The following JPH1 variants were observed in gnomAD, a reference collection of about 807,000 sequenced individuals.
JPH1 encodes junctophilin-1.
A neutral mutation model predicts 53.6 loss-of-function variants in JPH1; 12 were observed. The ratio of observed to expected loss-of-function variants is 0.22; its 90% confidence interval spans 0.14 to 0.36. The LOEUF is 0.36. Ranked by LOEUF, JPH1 falls within the 10% of genes least tolerant of loss-of-function variation. The probability of loss-of-function intolerance (pLI) is 1.00; values close to 1 mark genes in which losing one functional copy is unlikely to be tolerated. For synonymous variants in JPH1, 375 were observed against 363.8 expected (o/e 1.03, Z -0.35); for missense variants, 808 against 905.5 (o/e 0.89, Z 1.38).
intron 2 of JPH1, among the ~76,000 whole-genome samples, chr8:74,270,165 T>C (rs560291215): frequency 2.0e-5 from 3 of 152,332 alleles, no homozygotes; most frequent in African/African-American, 7.2e-5. Context: ...CTAAAGACTG[T>C]AGGACAGATT....
intron 3 of JPH1, among the ~76,000 whole-genome samples, chr8:74,256,570 A>G (rs1005109779): frequency 6.6e-6 from 1 of 152,184 alleles, no homozygotes; most frequent in Non-Finnish European, 1.5e-5. Flanking sequence ...TTTACAAGAA[A>G]AAAACAACCC....
intron 1 of JPH1, among the ~76,000 whole-genome samples, chr8:74,319,371 G>A (rs919372271): frequency 6.6e-6 from 1 of 152,112 alleles, no homozygotes; most frequent in Non-Finnish European, 1.5e-5. Flanking sequence ...ATATAGTAGA[G>A]CTGGGGCCTC....
rs529504088 is a variant in JPH1, at chr8:74,281,476, C to G, written c.1140-21973G>C. ...ACCCAATTATTTCAGTTGGACAGAC[C>G]TAGCCTTAGTACCCAACACACATTT... On this transcript the variant is annotated intron_variant, in intron 2 of 5. Coordinates refer to ENST00000342232, the MANE Select transcript of JPH1 (RefSeq NM_020647.4). Among the ~76,000 whole-genome samples, 342 of 152,288 alleles carry G rather than the reference C, an allele frequency of 2.2e-3. 1 individual carries two copies. The highest frequency in any genetic ancestry group is 4.3e-3 in the Non-Finnish European group (291 of 68,024).
At chr8:74,250,483 A>G (rs1806014101) in intron 3 of JPH1, among the ~76,000 whole-genome samples, 2 of 152,338 alleles carry the variant, frequency 1.3e-5, no homozygotes, top group African/African-American at 4.8e-5. Flanking sequence ...TAGTCTCCCA[A>G]TCTTCCTTTC....
chr8:74,298,054 T>C (rs530000851), intron 2 of JPH1, among the ~76,000 whole-genome samples: 1 of 152,328 alleles, frequency 6.6e-6, no homozygotes, highest in African/African-American at 2.4e-5. Context: ...TCTACTCACT[T>C]TCCTAATAAT....
chr8:74,313,039 T>C (rs1403035913), intron 2 of JPH1, among the ~76,000 whole-genome samples: 1 of 152,218 alleles, frequency 6.6e-6, no homozygotes, highest in Admixed American at 6.5e-5. Context: ...AGATCATCTC[T>C]GCATTGCCAG....
intron 2 of JPH1, among the ~76,000 whole-genome samples, chr8:74,309,830 T>C (rs1482228482): frequency 6.6e-6 from 1 of 152,180 alleles, no homozygotes; most frequent in Non-Finnish European, 1.5e-5. Flanking sequence ...TGCCACTGAA[T>C]GTGGGGGGCT....
At chr8:74,256,790 A>G (rs73341690) in intron 3 of JPH1, among the ~76,000 whole-genome samples, 8,313 of 152,302 alleles carry the variant, frequency 0.055, 728 homozygotes, top group African/African-American at 0.18. Flanking sequence ...ACTAAACAAC[A>G]TAAGATTTAA....
intron 2 of JPH1, among the ~76,000 whole-genome samples, chr8:74,298,676 T>C (rs1807588224): frequency 6.6e-6 from 1 of 152,190 alleles, no homozygotes; most frequent in South Asian, 2.1e-4. Flanking sequence ...TGTAAGACTT[T>C]TCAAAAGAGG....
At chr8:74,271,854 G>C (rs894257653) in intron 2 of JPH1, among the ~76,000 whole-genome samples, 1 of 152,146 alleles carries the variant, frequency 6.6e-6, no homozygotes, top group African/African-American at 2.4e-5. Flanking sequence ...ATGTTGTTTG[G>C]AAGAATCACA....
At position 74,300,085 on chromosome 8, in the gene JPH1, C is replaced by T. The variant is rs145052266; in HGVS notation, c.1139+14776G>A. Among the ~76,000 whole-genome samples, 1,311 of 152,210 alleles carry T rather than the reference C, an allele frequency of 8.6e-3. 8 individuals carry two copies. The highest frequency in any genetic ancestry group is 0.013 in the Non-Finnish European group (913 of 68,008). The stretch of plus-strand genomic sequence containing the variant: ...TGGGCTGAAAGTTACTCTGATCTAG[C>T]GAAGAGTTAGAATAATTTTTCAAAA... On this transcript the variant is annotated intron_variant, in intron 2 of 5. Transcript: ENST00000342232.
At chr8:74,306,638 G>A (rs930981518) in intron 2 of JPH1, among the ~76,000 whole-genome samples, 7 of 150,520 alleles carry the variant, frequency 4.7e-5, no homozygotes, top group Admixed American at 1.3e-4. Context: ...TCGCTCTGTC[G>A]CTTAGGCTGG....
intron 4 of JPH1, among the ~76,000 whole-genome samples, chr8:74,243,171 ACATGCTGAAAGT>A (rs766943146): frequency 4.6e-5 from 7 of 152,228 alleles, no homozygotes; most frequent in Non-Finnish European, 1.0e-4. Flanking sequence ...CTGGGGATAA[ACATGCTGAAAGT>A]CAAATGAGAA....
chr8:74,248,230 T>C (rs1190097502), intron 3 of JPH1, among the ~76,000 whole-genome samples: 4 of 152,216 alleles, frequency 2.6e-5, no homozygotes, highest in Non-Finnish European at 5.9e-5. Context: ...CTTCTGATGA[T>C]ACTCAAAAAT....
chr8:74,259,044 C>CA (rs1806315760), intron 3 of JPH1, among the ~76,000 whole-genome samples: 1 of 152,092 alleles, frequency 6.6e-6, no homozygotes, highest in African/African-American at 2.4e-5. Context: ...GTTCCATGTG[C>CA]AAAATTATTA....
At chr8:74,266,581 TA>T (rs765793637) in intron 2 of JPH1, among the ~76,000 whole-genome samples, 31 of 152,172 alleles carry the variant, frequency 2.0e-4, no homozygotes, top group Non-Finnish European at 3.7e-4. Flanking sequence ...TACAGATTGT[TA>T]GTTTTGCAAG....
In JPH1 at chr8:74,315,658, C is replaced by G; in HGVS notation, c.380-38G>C. 6.5e-7 allele frequency: 1 copy of G among 1,547,138 alleles called. No homozygotes were observed. The highest frequency in any genetic ancestry group is 8.7e-7 in the Non-Finnish European group (1 of 1,152,096). On this transcript the variant is annotated intron_variant, in intron 1 of 5. Transcript: ENST00000342232. The surrounding 1 kb of genome is among the most constrained non-coding windows in gnomAD (Gnocchi z 6.3). Reference sequence around the variant, plus strand: ...GCAAGAAAGCACCGTGAGTCGGGGGCAGAGCTGCACCGTCACCTGCACCAT... The same window carrying G: ...GCAAGAAAGCACCGTGAGTCGGGGGGAGAGCTGCACCGTCACCTGCACCAT...
At chr8:74,319,873 G>C (rs745425885) in intron 1 of JPH1, among the ~76,000 whole-genome samples, 1 of 152,148 alleles carries the variant, frequency 6.6e-6, no homozygotes, top group Non-Finnish European at 1.5e-5. Flanking sequence ...CTTTCTCAGC[G>C]TATTACACAA....
rs1808146492 is a variant in JPH1 at position 74,315,981 on chromosome 8, C to T, written c.380-361G>A. ...TCCTCTTGGGAAGAAGACAAGGAAACAGTAGAAGATGAAATGAATTCTATG... is the reference window on the plus strand; with the variant it reads ...TCCTCTTGGGAAGAAGACAAGGAAATAGTAGAAGATGAAATGAATTCTATG... On this transcript the variant is annotated intron_variant, in intron 1 of 5. Coordinates refer to ENST00000342232, the MANE Select transcript of JPH1 (RefSeq NM_020647.4). This position sits in a 1 kb window ranked among gnomAD's most constrained non-coding sequence, Gnocchi z 6.3. Among the ~76,000 whole-genome samples, 1 of 152,140 alleles carries T rather than the reference C, an allele frequency of 6.6e-6. No individual in the cohort carries two copies. Among genetic ancestry groups the T allele is most frequent in the South Asian group, 2.1e-4 (1 of 4,826 alleles).
Sources: allele counts gnomAD v4.1 joint callset (sites outside exome capture counted in the v4.1 genomes callset), GRCh38; gene constraint gnomAD v4.1.1; non-coding constraint Gnocchi (gnomAD v3.1); transcripts MANE v1.5; gene names NCBI Gene and HGNC (gene_info 2026-07-23, HGNC 2026-07-21).